Variants in TLK1 observed in about 807,000 individuals in gnomAD.
TLK1 encodes the protein tousled like kinase 1.
A neutral mutation model predicts 105.3 loss-of-function variants in TLK1; 24 were observed. The observed-to-expected ratio is 0.23, with a 90% CI of 0.17 to 0.32. The LOEUF (loss-of-function observed/expected upper bound fraction) is 0.32, where lower values mean the gene tolerates loss of function less well. TLK1 is among the 10% of genes least tolerant of loss of function. TLK1 has a pLI of 1.00. For synonymous variants in TLK1, 321 were observed against 310.4 expected (o/e 1.03, Z -0.36); for missense variants, 558 against 910.5 (o/e 0.61, Z 4.98).
chr2:171,050,045 T>C lies in TLK1; in HGVS notation c.843+19A>G. On this transcript the variant is annotated intron_variant, in intron 9 of 20. Coordinates refer to ENST00000431350, the MANE Select transcript of TLK1 (RefSeq NM_012290.5). ...GGCTAATGAAGGGAAAGCGAAAATT[T>C]ACTCAACTTTTAGCCTACCTTTTCA... is the stretch of plus-strand genomic sequence containing the variant. The C allele has an allele frequency of 1.2e-6, 2 of 1,605,528 alleles. No individual in the cohort carries two copies. The highest frequency in any genetic ancestry group is 8.5e-7 in the Non-Finnish European group (1 of 1,174,792).
rs563041714 is a variant in TLK1 at position 171,087,837 on chromosome 2, T to C, written c.259-4985A>G. On this transcript the variant is annotated intron_variant, in intron 2 of 20. Transcript: ENST00000431350. The stretch of plus-strand genomic sequence containing the variant: ...GAGCTAGGAGAACTCTGTACTAAGA[T>C]GCATAAGGCACAGCTGAGAAAACAG... 1.2e-3 allele frequency among the ~76,000 whole-genome samples: 183 copies of C among 152,320 alleles called. 2 individuals carry two copies. Among genetic ancestry groups the C allele is most frequent in the Non-Finnish European group, 2.1e-3 (142 of 68,026 alleles).
At chr2:171,162,939 C>T (rs1304406455), upstream of TLK1, among the ~76,000 whole-genome samples, 5 of 152,168 alleles carry the variant, frequency 3.3e-5, no homozygotes, top group East Asian at 7.7e-4. Context: ...ATTACAGGCA[C>T]GTGCCACTAC....
intron 14 of TLK1, among the ~76,000 whole-genome samples, chr2:171,008,898 T>C (rs1482170932): frequency 1.3e-5 from 2 of 152,220 alleles, no homozygotes; most frequent in African/African-American, 4.8e-5. Context: ...AGGGTTGTTA[T>C]GAAGGCTCAT....
chr2:171,081,587 T>C, intron 3 of TLK1: 1 of 1,224,202 alleles, frequency 8.2e-7, no homozygotes, highest in Non-Finnish European at 1.1e-6. Context: ...AGTATGTTAA[T>C]TTTTTAAAAA....
At chr2:171,153,685 G>A (rs1467427479) in intron 1 of TLK1, among the ~76,000 whole-genome samples, 2 of 152,032 alleles carry the variant, frequency 1.3e-5, no homozygotes, top group East Asian at 1.9e-4. Flanking sequence ...CTTAACTAGG[G>A]GCAGACACAG....
chr2:171,012,795 T>C (rs1348567836), intron 13 of TLK1, among the ~76,000 whole-genome samples: 1 of 152,114 alleles, frequency 6.6e-6, no homozygotes, highest in Non-Finnish European at 1.5e-5. Context: ...TTGTATTTTA[T>C]TATTTTTTTC....
At chr2:171,177,063 C>T (rs1575647451) in intron 1 of TLK1, among the ~76,000 whole-genome samples, 4 of 151,226 alleles carry the variant, frequency 2.6e-5, no homozygotes, top group Admixed American at 2.6e-4. Flanking sequence ...GAACTCCTGA[C>T]CTCAAGTGAT....
Position 171,193,683 on chromosome 2 carries a change from G to A in TLK1, c.-6+37462C>T, listed in dbSNP as rs970753518. On this transcript the variant is annotated intron_variant, in intron 1 of 20. Transcript: ENST00000521943. ...CCCAAAGTGCTGGGATTATAGGCGT[G>A]AGCCACAGCGCCTGGCATTTTTTTT... Among the ~76,000 whole-genome samples the A allele has an allele frequency of 1.1e-4, 16 of 144,424 alleles. No homozygotes were observed. In the South Asian group the frequency reaches 2.9e-3, roughly 26 times the overall value. The allele number at this position is 144,424 out of a possible 152,430, so 94.7% of individuals were successfully genotyped here.
chr2:171,145,298 C>G (rs1336358025), intron 1 of TLK1, among the ~76,000 whole-genome samples: 1 of 149,884 alleles, frequency 6.7e-6, no homozygotes, highest in Non-Finnish European at 1.5e-5. Context: ...AGACTACAAA[C>G]AAACAAAAAA....
At chr2:171,005,414 T>G (rs1039081326) in intron 18 of TLK1, among the ~76,000 whole-genome samples, 7 of 152,168 alleles carry the variant, frequency 4.6e-5, no homozygotes, top group Non-Finnish European at 8.8e-5. Flanking sequence ...TATGCCAAAT[T>G]TATCTCCCAT....
chr2:171,020,147 C>T (rs867493907), intron 12 of TLK1, among the ~76,000 whole-genome samples: 5 of 151,576 alleles, frequency 3.3e-5, no homozygotes, highest in African/African-American at 1.2e-4. Flanking sequence ...TCTCTAAGTC[C>T]TAAAAAAATT....
intron 11 of TLK1, among the ~76,000 whole-genome samples, chr2:171,039,156 CTGT>C (rs1686528128): frequency 6.6e-6 from 1 of 152,064 alleles, no homozygotes; most frequent in Admixed American, 6.6e-5. Flanking sequence ...CTTTTCTAAA[CTGT>C]TATTTCAATA....
rs969304187 is a variant in TLK1 at position 171,184,778 on chromosome 2, A to C, written c.-6+46367T>G. 2.5e-4 allele frequency among the ~76,000 whole-genome samples: 38 copies of C among 152,292 alleles called. 1 individual carries two copies. Among genetic ancestry groups the C allele is most frequent in the African/African-American group, 8.7e-4 (36 of 41,556 alleles). ...AATTCCTATTCAATGTTGGTTTCTG[A>C]ACTCTATCCTGATCCATTTATCAGA... On this transcript the variant is annotated intron_variant, in intron 1 of 20. Transcript: ENST00000521943.
chr2:171,072,407 A>G (rs1688303651), intron 3 of TLK1, among the ~76,000 whole-genome samples: 1 of 152,200 alleles, frequency 6.6e-6, no homozygotes, highest in Admixed American at 6.5e-5. Context: ...TGAGGTCAGA[A>G]GTTCGACCAG....
intron 1 of TLK1, among the ~76,000 whole-genome samples, chr2:171,225,895 C>T (rs1433585994): frequency 6.6e-6 from 1 of 152,172 alleles, no homozygotes; most frequent in African/African-American, 2.4e-5. Context: ...TAGAAACCAA[C>T]ATCTAGGTGT....
chr2:171,149,459 T>C (rs1195855106), intron 1 of TLK1, among the ~76,000 whole-genome samples: 2 of 152,224 alleles, frequency 1.3e-5, no homozygotes, highest in South Asian at 4.1e-4. Flanking sequence ...TAACTTGTTA[T>C]GTAATAATGT....
At chr2:171,211,650 A>T (rs911626463) in intron 1 of TLK1, among the ~76,000 whole-genome samples, 3 of 152,084 alleles carry the variant, frequency 2.0e-5, no homozygotes, top group Non-Finnish European at 4.4e-5. Flanking sequence ...CCCGGGTTCA[A>T]GTGGTTCTCC....
At chr2:171,016,313 T>C (rs1207944582) in intron 12 of TLK1, among the ~76,000 whole-genome samples, 2 of 152,116 alleles carry the variant, frequency 1.3e-5, no homozygotes, top group Non-Finnish European at 2.9e-5. Flanking sequence ...GGCTATTTTT[T>C]TGTAGAGATG....
chr2:170,994,224 C>T (rs1056438578), intron 20 of TLK1, among the ~76,000 whole-genome samples: 15 of 152,278 alleles, frequency 9.9e-5, no homozygotes, highest in East Asian at 5.8e-4. Flanking sequence ...TTTCTGCTTA[C>T]GAAATTCTGA....
Sources: allele counts gnomAD v4.1 joint callset (sites outside exome capture counted in the v4.1 genomes callset), GRCh38; gene constraint gnomAD v4.1.1; transcripts MANE v1.5; gene names NCBI Gene and HGNC (gene_info 2026-07-23, HGNC 2026-07-21).